Variants in ATP6V1A observed in about 807,000 individuals in gnomAD.
ATP6V1A encodes the protein V-type proton ATPase catalytic subunit A.
In ATP6V1A, 18 loss-of-function variants were observed where a neutral mutation model predicts 70.1. The observed-to-expected ratio is 0.26, with a 90% CI of 0.18 to 0.38. The LOEUF is 0.38. ATP6V1A is among the 10% of genes least tolerant of loss of function. ATP6V1A has a pLI of 1.00. For missense variants in ATP6V1A, 424 were observed against 772.4 expected, an observed-to-expected ratio of 0.55 and a Z score of 5.35; for synonymous variants, 232 against 253.8, an observed-to-expected ratio of 0.91 and a Z score of 0.82.
At chr3:113,794,850 A>G in intron 8 of ATP6V1A, 22 bp from the exon 9 acceptor site, 6 of 1,590,308 alleles carry the variant, frequency 3.8e-6, no homozygotes, top group Non-Finnish European at 5.1e-6. Flanking sequence ...TGTAACTTAT[A>G]ATAATATTCT....
At chr3:113,764,955 T>A (rs1708751618) in intron 1 of ATP6V1A, among the ~76,000 whole-genome samples, 1 of 144,778 alleles carries the variant, frequency 6.9e-6, no homozygotes, top group South Asian at 2.1e-4. Context: ...ATCACTGTAC[T>A]CCAGCATAGG....
intron 2 of ATP6V1A, 152 bp downstream of exon 2, chr3:113,778,987 A>T (rs961696326): frequency 4.4e-6 from 2 of 457,504 alleles, no homozygotes; most frequent in African/African-American, 2.0e-5. Flanking sequence ...AGACCGAAGT[A>T]GAATCTCTGT....
chr3:113,792,293 A>G (rs1489806607), intron 8 of ATP6V1A, among the ~76,000 whole-genome samples: 2 of 151,540 alleles, frequency 1.3e-5, no homozygotes, highest in African/African-American at 2.4e-5. Flanking sequence ...TTAAACATAT[A>G]TTTTTACACT....
At chr3:113,797,343 TC>T (rs779232699) in intron 11 of ATP6V1A, among the ~76,000 whole-genome samples, 83 of 151,832 alleles carry the variant, frequency 5.5e-4, no homozygotes, top group Non-Finnish European at 6.2e-4. Flanking sequence ...ACCTTCATCT[TC>T]CGGGTTCAAG....
intron 1 of ATP6V1A, among the ~76,000 whole-genome samples, chr3:113,774,646 T>C (rs1559753432): frequency 6.6e-6 from 1 of 151,970 alleles, no homozygotes; most frequent in Non-Finnish European, 1.5e-5. Flanking sequence ...AAACCCTATC[T>C]CTACTAAAAA....
chr3:113,790,411 T>C (rs1709078826), intron 8 of ATP6V1A, among the ~76,000 whole-genome samples: 1 of 152,146 alleles, frequency 6.6e-6, no homozygotes, highest in African/African-American at 2.4e-5. Flanking sequence ...AAAATGATCT[T>C]ATACTACCTT....
intron 3 of ATP6V1A, among the ~76,000 whole-genome samples, chr3:113,783,037 A>G (rs1708997132): frequency 6.6e-6 from 1 of 152,164 alleles, no homozygotes; most frequent in South Asian, 2.1e-4. Flanking sequence ...AAATTCTTTC[A>G]ACTTTGTTGT....
intron 1 of ATP6V1A, among the ~76,000 whole-genome samples, chr3:113,771,966 A>C (rs1426605068): frequency 6.6e-6 from 1 of 152,058 alleles, no homozygotes; most frequent in Non-Finnish European, 1.5e-5. Context: ...TAGATAGAGG[A>C]GTGGTTATTC....
At chr3:113,753,494 A>G (rs1406182546) in intron 1 of ATP6V1A, among the ~76,000 whole-genome samples, 1 of 152,186 alleles carries the variant, frequency 6.6e-6, no homozygotes, top group African/African-American at 2.4e-5. Context: ...GTTAGCTGCA[A>G]CAGTGTTTCA....
At chr3:113,757,105 A>G (rs1219556859) in intron 1 of ATP6V1A, among the ~76,000 whole-genome samples, 1 of 152,210 alleles carries the variant, frequency 6.6e-6, no homozygotes, top group Non-Finnish European at 1.5e-5. Context: ...ACTGACACCA[A>G]ACTCTTCAAT....
chr3:113,794,451 T>C (rs1709130893), intron 8 of ATP6V1A, among the ~76,000 whole-genome samples: 1 of 152,218 alleles, frequency 6.6e-6, no homozygotes, highest in Non-Finnish European at 1.5e-5. Context: ...CTCAATATAA[T>C]AGATGTTTAT....
rs1709343927 is a variant in ATP6V1A at position 113,811,767 on chromosome 3, C to T, written c.*2340C>T. On this transcript the variant is annotated 3_prime_UTR_variant, in exon 15 of 15. Transcript: ENST00000273398. Reference sequence around the variant, plus strand: ...GATCGGTCACTGATAGTATGTATTTCTTTAGTAAGAATGTGTTAAAATTAC... The same window carrying T: ...GATCGGTCACTGATAGTATGTATTTTTTTAGTAAGAATGTGTTAAAATTAC... The T allele has an allele frequency of 6.6e-6, 1 of 152,574 alleles. No individual in the cohort carries two copies. Among genetic ancestry groups the T allele is most frequent in the South Asian group, 2.1e-4 (1 of 4,828 alleles). 9.5% of individuals were successfully genotyped at this position (152,574 alleles called of 1,614,324 possible).
intron 6 of ATP6V1A, among the ~76,000 whole-genome samples, chr3:113,787,562 T>C (rs1709050844): frequency 6.6e-6 from 1 of 152,158 alleles, no homozygotes; most frequent in Non-Finnish European, 1.5e-5. Context: ...GTTCAAATGA[T>C]TCAAGTATAA....
intron 14 of ATP6V1A, among the ~76,000 whole-genome samples, chr3:113,807,090 G>C (rs545507086): frequency 6.6e-6 from 1 of 151,770 alleles, no homozygotes; most frequent in Non-Finnish European, 1.5e-5. Flanking sequence ...TTTTAGTCTT[G>C]TCATTTCACC....
chr3:113,776,125 G>A (rs1299779839), intron 1 of ATP6V1A, among the ~76,000 whole-genome samples: 1 of 152,068 alleles, frequency 6.6e-6, no homozygotes, highest in African/African-American at 2.4e-5. Context: ...TTGGGAGGCC[G>A]AGGCAGGCAG....
At chr3:113,805,197 C>CT (rs1178218028) in intron 13 of ATP6V1A, among the ~76,000 whole-genome samples, 157 bp from the exon 14 acceptor site, 1 of 152,168 alleles carries the variant, frequency 6.6e-6, no homozygotes, top group Non-Finnish European at 1.5e-5. Context: ...AGTTGTTGGT[C>CT]TTTTCACTAT....
At chr3:113,756,923 A>C (rs992903108) in intron 1 of ATP6V1A, among the ~76,000 whole-genome samples, 3 of 152,184 alleles carry the variant, frequency 2.0e-5, no homozygotes, top group African/African-American at 7.2e-5. Flanking sequence ...AGTTTTTGAT[A>C]ATCCGTGAGT....
chr3:113,764,256 A>G (rs1289974574), intron 1 of ATP6V1A, among the ~76,000 whole-genome samples: 4 of 152,126 alleles, frequency 2.6e-5, no homozygotes, highest in Non-Finnish European at 5.9e-5. Flanking sequence ...AAAAAAGTAT[A>G]TTAGCAAAAT....
At chr3:113,775,760 A>T (rs1708904820) in intron 1 of ATP6V1A, among the ~76,000 whole-genome samples, 1 of 152,186 alleles carries the variant, frequency 6.6e-6, no homozygotes, top group African/African-American at 2.4e-5. Flanking sequence ...TATAGAGGAA[A>T]TACCCATATG....
Sources: allele counts gnomAD v4.1 joint callset (sites outside exome capture counted in the v4.1 genomes callset), GRCh38; gene constraint gnomAD v4.1.1; transcripts MANE v1.5; gene names NCBI Gene and HGNC (gene_info 2026-07-23, HGNC 2026-07-21).